Variants in FBXL17 observed in about 807,000 individuals in gnomAD.
FBXL17 encodes F-box and leucine rich repeat protein 17.
In FBXL17, 22 loss-of-function variants were observed where a neutral mutation model predicts 66.2. That is an observed-to-expected ratio of 0.33 (90% CI 0.24 to 0.47). The LOEUF (loss-of-function observed/expected upper bound fraction) is 0.47. Ranked by LOEUF, FBXL17 falls within the 20% of genes least tolerant of loss-of-function variation. FBXL17 has a pLI of 1.00. For synonymous variants in FBXL17, 474 were observed against 400.5 expected (o/e 1.18, Z -2.19); for missense variants, 878 against 948.2 (o/e 0.93, Z 0.97).
At chr5:107,901,031 T>C (rs1044337001) in intron 7 of FBXL17, among the ~76,000 whole-genome samples, 1 of 152,202 alleles carries the variant, frequency 6.6e-6, no homozygotes, top group Non-Finnish European at 1.5e-5. Context: ...TATCATCACA[T>C]CCATGAACAT....
At chr5:108,305,836 G>A (rs1332730226) in intron 4 of FBXL17, among the ~76,000 whole-genome samples, 3 of 152,020 alleles carry the variant, frequency 2.0e-5, no homozygotes, top group South Asian at 2.1e-4. Context: ...ACATCCATCC[G>A]TTTTATCACT....
intron 7 of FBXL17, among the ~76,000 whole-genome samples, chr5:108,020,333 G>A (rs1207181768): frequency 1.3e-5 from 2 of 151,730 alleles, no homozygotes; most frequent in Non-Finnish European, 2.9e-5. Context: ...TTATTACTGC[G>A]ACAATATGAC....
chr5:107,883,658 T>C (rs1305249154), intron 7 of FBXL17, among the ~76,000 whole-genome samples: 1 of 152,190 alleles, frequency 6.6e-6, no homozygotes, highest in African/African-American at 2.4e-5. Context: ...GTTTACTTCT[T>C]TGTGGCCCAC....
At chr5:108,047,795 C>T (rs1747315084) in intron 6 of FBXL17, among the ~76,000 whole-genome samples, 1 of 152,160 alleles carries the variant, frequency 6.6e-6, no homozygotes, top group Admixed American at 6.5e-5. Context: ...CTAGATCTCC[C>T]TGGGCCTGAG....
intron 4 of FBXL17, among the ~76,000 whole-genome samples, chr5:108,344,456 C>T (rs1580856183): frequency 6.6e-6 from 1 of 152,210 alleles, no homozygotes; most frequent in East Asian, 1.9e-4. Context: ...ATTGAGTAAT[C>T]TATAATAGTT....
At position 108,135,330 on chromosome 5, in the gene FBXL17, G is replaced by A. The variant is rs1751092532; in HGVS notation, c.1745+50787C>T. The stretch of plus-strand genomic sequence containing the variant: ...CTTTCAATACGAACTAGGAGTGAAG[G>A]TGGGAACAAGGGGAATATTTACTCC... On this transcript the variant is annotated intron_variant, in intron 6 of 8. Coordinates refer to ENST00000542267, the MANE Select transcript of FBXL17 (RefSeq NM_001163315.3). 2.0e-5 allele frequency among the ~76,000 whole-genome samples: 3 copies of A among 152,126 alleles called. No homozygotes were observed. In the South Asian group the frequency reaches 6.2e-4, roughly 32 times the overall value.
intron 6 of FBXL17, among the ~76,000 whole-genome samples, chr5:108,106,325 T>C (rs1300957005): frequency 1.3e-5 from 2 of 152,232 alleles, no homozygotes; most frequent in South Asian, 2.1e-4. Flanking sequence ...GATTATAAAA[T>C]GGTGCAACCA....
Position 108,381,387 on chromosome 5 carries a change from C to A in FBXL17, c.305G>T (p.Arg102Leu). ...CTCGGCGGCCAGGGCCGCGTAGCGC[C>A]GCGCCAGGTGCTGAGAGGAGGAGGC... Reference protein sequence around the residue: ...AAASSSQHLARRYAALAAEDC... With the variant: ...AAASSSQHLALRYAALAAEDC... Residue 102 changes from arginine to leucine, a missense_variant, in exon 1 of 9, where the codon CGG becomes CTG. By Grantham distance (102) the Arg-to-Leu change is moderately radical. Coordinates refer to ENST00000542267, the MANE Select transcript of FBXL17 (RefSeq NM_001163315.3). 1 of 1,325,578 alleles carries A rather than the reference C, an allele frequency of 7.5e-7. No individual in the cohort carries two copies. Among genetic ancestry groups the A allele is most frequent in the African/African-American group, 1.5e-5 (1 of 64,772 alleles). 82.1% of individuals were successfully genotyped at this position (1,325,578 alleles called of 1,614,324 possible).
chr5:107,992,590 G>T (rs748349592), intron 7 of FBXL17, among the ~76,000 whole-genome samples: 19 of 152,080 alleles, frequency 1.2e-4, no homozygotes, highest in Non-Finnish European at 1.2e-4. Flanking sequence ...GAAACAGGAA[G>T]AATTATTTAA....
intron 6 of FBXL17, among the ~76,000 whole-genome samples, chr5:108,062,481 T>C (rs1747961111): frequency 6.6e-6 from 1 of 152,002 alleles, no homozygotes; most frequent in Non-Finnish European, 1.5e-5. Flanking sequence ...GACTATTCTA[T>C]TAAGTATGGA....
At chr5:108,258,993 A>G (rs12654703) in intron 4 of FBXL17, among the ~76,000 whole-genome samples, 6,585 of 152,230 alleles carry the variant, frequency 0.043, 768 homozygotes, top group East Asian at 0.39. Context: ...CAGTCTATAG[A>G]TCATAGTGAA....
Position 107,989,710 on chromosome 5 carries a change from C to T in FBXL17, c.1822+31215G>A, listed in dbSNP as rs547680488. Among the ~76,000 whole-genome samples the T allele has an allele frequency of 6.6e-5, 10 of 152,100 alleles. No homozygotes were observed. In the South Asian group the frequency reaches 1.5e-3, roughly 22 times the overall value. ...TCTACGTTTAGTTTTTTTTGGGAAC[C>T]TCCATACTATTTTCCATAGTTGCTG... On this transcript the variant is annotated intron_variant, in intron 7 of 8. Transcript: ENST00000542267.
chr5:108,093,751 C>A (rs1436195763), intron 6 of FBXL17, among the ~76,000 whole-genome samples: 1 of 152,062 alleles, frequency 6.6e-6, no homozygotes, highest in African/African-American at 2.4e-5. Context: ...AGGGTAAGTA[C>A]AATAGAATAA....
At chr5:108,077,037 G>A (rs560231118) in intron 6 of FBXL17, among the ~76,000 whole-genome samples, 54 of 152,198 alleles carry the variant, frequency 3.5e-4, no homozygotes, top group African/African-American at 1.3e-3. Context: ...ATCACTTTCT[G>A]ACAGGTCCAG....
chr5:108,080,393 A>G (rs1748716237), intron 6 of FBXL17, among the ~76,000 whole-genome samples: 1 of 152,222 alleles, frequency 6.6e-6, no homozygotes, highest in African/African-American at 2.4e-5. Context: ...TACATTTCCC[A>G]TCTTGTTCAG....
At chr5:108,213,054 G>A (rs1410033201) in intron 5 of FBXL17, among the ~76,000 whole-genome samples, 1 of 152,084 alleles carries the variant, frequency 6.6e-6, no homozygotes, top group Non-Finnish European at 1.5e-5. Flanking sequence ...GAGCTGCACT[G>A]GGCTCCACCC....
intron 4 of FBXL17, among the ~76,000 whole-genome samples, chr5:108,252,585 C>G (rs1199989113): frequency 6.6e-6 from 1 of 152,066 alleles, no homozygotes; most frequent in East Asian, 1.9e-4. Flanking sequence ...GGTGTGAATT[C>G]CAGTAGTCAT....
At chr5:108,262,960 T>C (rs1756899689) in intron 4 of FBXL17, among the ~76,000 whole-genome samples, 1 of 151,452 alleles carries the variant, frequency 6.6e-6, no homozygotes, top group Non-Finnish European at 1.5e-5. Flanking sequence ...AAGGATACTG[T>C]TCAATCTGAA....
At chr5:107,862,752 G>T (rs1748161274) in intron 8 of FBXL17, among the ~76,000 whole-genome samples, 1 of 152,070 alleles carries the variant, frequency 6.6e-6, no homozygotes, top group Admixed American at 6.5e-5. Context: ...ACACATTTTT[G>T]AGCACACTTC....
Sources: allele counts gnomAD v4.1 joint callset (sites outside exome capture counted in the v4.1 genomes callset), GRCh38; gene constraint gnomAD v4.1.1; transcripts MANE v1.5; gene names NCBI Gene and HGNC (gene_info 2026-07-23, HGNC 2026-07-21).